SLC8B1: variants seen among roughly 807,000 people sequenced by gnomAD.
SLC8B1 encodes solute carrier family 8 member B1.
Under a neutral mutation model 63.4 loss-of-function variants are expected in SLC8B1, and 52 were observed. The observed-to-expected ratio is 0.82, with a 90% CI of 0.66 to 1.03. SLC8B1 has a LOEUF of 1.03. Ranked by LOEUF, SLC8B1 falls within the 50% of genes least tolerant of loss-of-function variation. SLC8B1 has a pLI of 0.00. For synonymous variants in SLC8B1, 336 were observed against 323.9 expected, an observed-to-expected ratio of 1.04 and a Z score of -0.40; for missense variants, 657 against 741.7, an observed-to-expected ratio of 0.89 and a Z score of 1.33.
chr12:113,327,854 T>C (rs954175871), intron 2 of SLC8B1, among the ~76,000 whole-genome samples: 1 of 151,660 alleles, frequency 6.6e-6, no homozygotes, highest in African/African-American at 2.4e-5. Context: ...GGCAGATGTC[T>C]GTAATCGCAG....
Position 113,321,241 on chromosome 12 carries a change from G to T in SLC8B1, c.264C>A (p.Phe88Leu), listed in dbSNP as rs1346642634. 6.2e-7 allele frequency: 1 copy of T among 1,614,098 alleles called. No homozygotes were observed. Among genetic ancestry groups the T allele is most frequent in the Non-Finnish European group, 8.5e-7 (1 of 1,180,050 alleles). Residue 88 changes from phenylalanine (F) to leucine (L), a missense_variant, in exon 3 of 16, where the codon TTC becomes TTA. Physicochemically the swap from Phe to Leu is conservative, Grantham distance 22. Transcript: ENST00000680972. ...GGAGGAGGCTGGGAGGGAAGTGGCAGAAGATGCCTTCCAGGTAGTCCAGGT... is the reference window on the plus strand; with the variant it reads ...GGAGGAGGCTGGGAGGGAAGTGGCATAAGATGCCTTCCAGGTAGTCCAGGT... ...GGYLDYLEGI[F>L]CHFPPSLLPL...
chr12:113,298,876 A>AT lies in SLC8B1; in HGVS notation c.*900dup, dbSNP rs11445946. The AT allele has an allele frequency of 0.15, 23,159 of 152,302 alleles. 2,447 individuals carry two copies. The highest frequency in any genetic ancestry group is 0.29 in the African/African-American group (12,163 of 41,536). 9.4% of individuals were successfully genotyped at this position (152,302 alleles called of 1,614,324 possible). A position where few individuals can be genotyped will look rare whatever the true frequency, so the allele number is the denominator to read the frequency against. Reference sequence around the variant, plus strand: ...CCTAAGAGTTGCTTATTTCGGCAACATAAGGCGGGGTCATTGCATGACAGC... The same window carrying AT: ...CCTAAGAGTTGCTTATTTCGGCAACATTAAGGCGGGGTCATTGCATGACAGC... On this transcript the variant is annotated 3_prime_UTR_variant, in exon 16 of 16. Coordinates refer to ENST00000680972, the MANE Select transcript of SLC8B1 (RefSeq NM_001358345.2).
rs1245334126 is a variant in SLC8B1, at chr12:113,333,656, G to GC, written c.-82-697dup. 6.0e-5 allele frequency among the ~76,000 whole-genome samples: 9 copies of GC among 149,172 alleles called. No individual in the cohort carries two copies. The South Asian group carries it at 1.1e-3, about 18-fold the overall frequency. On this transcript the variant is annotated intron_variant, in intron 1 of 15. Coordinates refer to ENST00000680972, the MANE Select transcript of SLC8B1 (RefSeq NM_001358345.2). ...ACAATTCTGGAAATGTCACCCCCCC[G>GC]CCCCCCACCCCACCCTGCACAGCAG...
chr12:113,301,193 G>C (rs1259671267), intron 15 of SLC8B1, among the ~76,000 whole-genome samples: 2 of 151,988 alleles, frequency 1.3e-5, no homozygotes, highest in African/African-American at 4.8e-5. Context: ...GACAGGCATG[G>C]ACAAACAGAC....
Position 113,323,011 on chromosome 12 carries a change from C to T in SLC8B1, c.157-1663G>A, listed in dbSNP as rs181985741. Among the ~76,000 whole-genome samples the T allele has an allele frequency of 4.1e-3, 627 of 152,192 alleles. 6 individuals carry two copies. Among genetic ancestry groups the T allele is most frequent in the African/African-American group, 0.014 (596 of 41,522 alleles). ...GGTACAGAGAAGGGATAGCTGCCAACGAAGGCTGGGTTGAGCCAGTTACCA... is the reference window on the plus strand; with the variant it reads ...GGTACAGAGAAGGGATAGCTGCCAATGAAGGCTGGGTTGAGCCAGTTACCA... On this transcript the variant is annotated intron_variant, in intron 2 of 15. Coordinates refer to ENST00000680972, the MANE Select transcript of SLC8B1 (RefSeq NM_001358345.2).
At chr12:113,315,280 C>T in intron 11 of SLC8B1, 55 bp downstream of exon 11, 3 of 1,453,688 alleles carry the variant, frequency 2.1e-6, no homozygotes, top group Non-Finnish European at 1.8e-6. Flanking sequence ...GAAGAAAACT[C>T]CAGAACGTGG....
chr12:113,320,033 T>A lies in SLC8B1; in HGVS notation c.694+298A>T, dbSNP rs1388775130. ...GTCTCAAACTCCTGAACCAAAGTGA[T>A]CCTCCTGCCTCAGCCTCTCAAATTG... On this transcript the variant is annotated intron_variant, in intron 7 of 15. Transcript: ENST00000680972. The surrounding 1 kb of genome is among the most constrained non-coding windows in gnomAD (Gnocchi z 5.3). The A allele has an allele frequency of 3.1e-6, 1 of 327,484 alleles. No homozygotes were observed. Among genetic ancestry groups the A allele is most frequent in the Non-Finnish European group, 5.7e-6 (1 of 175,992 alleles). The allele number at this position is 327,484 out of a possible 1,614,324, so 20.3% of individuals were successfully genotyped here.
Position 113,318,077 on chromosome 12 carries a change from TTG to T in SLC8B1, c.802+885_802+886del, listed in dbSNP as rs575334872. ...GTATGTGTTGCATGTGTGCATATAT[TTG>T]TGTCTGTTGTATGTGTGCGCATGTT... On this transcript the variant is annotated intron_variant, in intron 8 of 15. Coordinates refer to ENST00000680972, the MANE Select transcript of SLC8B1 (RefSeq NM_001358345.2). Among the ~76,000 whole-genome samples the T allele has an allele frequency of 1.7e-4, 26 of 152,214 alleles. No homozygotes were observed. In the South Asian group the frequency reaches 3.1e-3, roughly 18 times the overall value.
rs16942745 is a variant in SLC8B1, at chr12:113,320,361, G to A, written c.664C>T (p.Arg222Cys). Residue 222 changes from arginine to cysteine, a missense_variant, in exon 7 of 16, where the codon CGT (arginine) becomes TGT (cysteine). Coordinates refer to ENST00000680972, the MANE Select transcript of SLC8B1 (RefSeq NM_001358345.2). The surrounding 1 kb of genome is among the most constrained non-coding windows in gnomAD (Gnocchi z 5.3). ...AVFLTFLMLF[R>C]GRVTLAWALG... ...GCCCATGCCAGGGTGACCCTGCCAC[G>A]GAAGAGCATGAGGAAGGTCAGGAAC... The A allele has an allele frequency of 0.039, 63,659 of 1,614,074 alleles. 2,273 individuals carry two copies. Among genetic ancestry groups the A allele is most frequent in the East Asian group, 0.19 (8,617 of 44,872 alleles).
chr12:113,313,605 G>A (rs1412297338), intron 11 of SLC8B1, among the ~76,000 whole-genome samples: 1 of 152,186 alleles, frequency 6.6e-6, no homozygotes, highest in Non-Finnish European at 1.5e-5. Flanking sequence ...GCCGGGCATG[G>A]TGGCGGGTGC....
intron 7 of SLC8B1, 115 bp from the exon 8 acceptor site, chr12:113,319,186 C>A (rs1201920428): frequency 1.6e-5 from 12 of 746,018 alleles, no homozygotes; most frequent in Non-Finnish European, 2.3e-5. Flanking sequence ...GTTAGCCCAT[C>A]CAGGTACCAG....
chr12:113,312,146 G>A (rs567181841), intron 11 of SLC8B1, among the ~76,000 whole-genome samples: 1 of 152,012 alleles, frequency 6.6e-6, no homozygotes, highest in Non-Finnish European at 1.5e-5. Context: ...GAGTCTCAGA[G>A]GCCTTGGCTG....
intron 14 of SLC8B1, 104 bp downstream of exon 14, chr12:113,306,391 C>T (rs1028480027): frequency 3.1e-6 from 3 of 956,732 alleles, no homozygotes; most frequent in Admixed American, 5.2e-5. Context: ...ATTACCTGCC[C>T]CAGGTGTTAC....
Position 113,304,378 on chromosome 12 carries a change from G to A in SLC8B1, c.1500C>T (p.Leu500=), listed in dbSNP as rs564051454. 1.9e-5 allele frequency: 31 copies of A among 1,613,886 alleles called. No individual in the cohort carries two copies. The East Asian group carries it at 2.7e-4, about 14-fold the overall frequency. The change falls in exon 15 of 16, where the codon CTC becomes CTT. Residue 500 remains leucine, a synonymous_variant. Transcript: ENST00000680972. ...ACFGGIIFNI[L]VGVGLGCLLQ... is the part of the protein sequence containing the mutation. ...GCAGGCAGCCCAGCCCCACACCCACGAGGATGTCTGCAGCCCAGCTCAGGA... is the reference window on the plus strand; with the variant it reads ...GCAGGCAGCCCAGCCCCACACCCACAAGGATGTCTGCAGCCCAGCTCAGGA...
At chr12:113,312,176 A>G (rs1321577397) in intron 11 of SLC8B1, among the ~76,000 whole-genome samples, 10 of 151,944 alleles carry the variant, frequency 6.6e-5, no homozygotes, top group African/African-American at 2.4e-4. Context: ...GCTCACACCT[A>G]TAATCCCAGC....
chr12:113,311,715 T>C (rs1161334777), intron 11 of SLC8B1, among the ~76,000 whole-genome samples: 2 of 149,580 alleles, frequency 1.3e-5, no homozygotes, highest in African/African-American at 5.0e-5. Flanking sequence ...TTTTTTTTTT[T>C]TTTTTTTAGA....
intron 2 of SLC8B1, among the ~76,000 whole-genome samples, chr12:113,322,603 T>C (rs1204653304): frequency 9.2e-5 from 14 of 152,082 alleles, no homozygotes; most frequent in Admixed American, 8.5e-4. Flanking sequence ...GAGACAAAGA[T>C]TGAGATGGAC....
intron 15 of SLC8B1, among the ~76,000 whole-genome samples, chr12:113,301,639 C>T (rs2136819753): frequency 6.6e-6 from 1 of 152,202 alleles, no homozygotes; most frequent in East Asian, 1.9e-4. Flanking sequence ...GCACCCAGCC[C>T]ATAAGGTTTT....
Position 113,305,255 on chromosome 12 carries a change from G to A in SLC8B1, c.1493-870C>T. On this transcript the variant is annotated intron_variant, in intron 14 of 15. Transcript: ENST00000680972. This position sits in a 1 kb window ranked among gnomAD's most constrained non-coding sequence, Gnocchi z 4.3. ...CGAGGCTGCAGCCCGAAAGCCAGGA[G>A]TAGGCCTCAGTGGGCGCAAAAGGGC... Among the ~76,000 whole-genome samples, 1 of 152,256 alleles carries A rather than the reference G, an allele frequency of 6.6e-6. No individual in the cohort carries two copies. The highest frequency in any genetic ancestry group is 1.9e-4 in the East Asian group (1 of 5,198).
Sources: allele counts gnomAD v4.1 joint callset (sites outside exome capture counted in the v4.1 genomes callset), GRCh38; gene constraint gnomAD v4.1.1; non-coding constraint Gnocchi (gnomAD v3.1); transcripts MANE v1.5; gene names NCBI Gene and HGNC (gene_info 2026-07-23, HGNC 2026-07-21).